The following ZMYM2 variants were observed in gnomAD, a reference collection of about 807,000 sequenced individuals.
ZMYM2 encodes the protein zinc finger MYM-type protein 2.
A neutral mutation model predicts 162.8 loss-of-function variants in ZMYM2; 56 were observed. That is an observed-to-expected ratio of 0.34 (90% confidence interval 0.28 to 0.43). The LOEUF is 0.43. Among genes scored for constraint, ZMYM2 ranks in the 20% least tolerant of loss-of-function variants. ZMYM2 has a pLI of 1.00. For missense variants in ZMYM2, 1,275 were observed against 1,621.8 expected (o/e 0.79, Z 3.67); for synonymous variants, 510 against 541.6 (o/e 0.94, Z 0.81).
chr13:20,001,461 T>G (rs1003124939), intron 3 of ZMYM2, among the ~76,000 whole-genome samples: 2 of 151,952 alleles, frequency 1.3e-5, no homozygotes, highest in Admixed American at 1.3e-4. Flanking sequence ...TGATAAAACT[T>G]GCACAGATGA....
At chr13:20,001,450 G>A (rs1566264059) in intron 3 of ZMYM2, among the ~76,000 whole-genome samples, 1 of 151,728 alleles carries the variant, frequency 6.6e-6, no homozygotes, top group Admixed American at 6.6e-5. Flanking sequence ...CTGCAATCTC[G>A]TGATAAAACT....
At chr13:20,013,380 A>G (rs1951354784) in intron 6 of ZMYM2, among the ~76,000 whole-genome samples, 1 of 152,110 alleles carries the variant, frequency 6.6e-6, no homozygotes, top group African/African-American at 2.4e-5. Flanking sequence ...TATGAGTTTC[A>G]TGTCATCTGT....
intron 18 of ZMYM2, among the ~76,000 whole-genome samples, chr13:20,063,821 A>G (rs922807683): frequency 1.4e-5 from 2 of 146,618 alleles, no homozygotes; most frequent in Non-Finnish European, 3.0e-5. Context: ...TATATAATAC[A>G]TAAATATAAT....
Position 20,050,229 on chromosome 13 carries a change from A to G in ZMYM2, c.2293-1204A>G, listed in dbSNP as rs532747503. Among the ~76,000 whole-genome samples, 13 of 148,944 alleles carry G rather than the reference A, an allele frequency of 8.7e-5. No individual in the cohort carries two copies. The South Asian group carries it at 1.9e-3, about 22-fold the overall frequency. On this transcript the variant is annotated intron_variant, in intron 12 of 24. Coordinates refer to ENST00000610343, the MANE Select transcript of ZMYM2 (RefSeq NM_197968.4). ...AGCAGGAGAAATACCTGACCTGGAGAAAAAAAAAAGCCTGTGTTCTAACCT... is the reference window on the plus strand; with the variant it reads ...AGCAGGAGAAATACCTGACCTGGAGGAAAAAAAAAGCCTGTGTTCTAACCT...
intron 3 of ZMYM2, among the ~76,000 whole-genome samples, chr13:20,000,628 A>G (rs771366248): frequency 1.2e-4 from 18 of 152,250 alleles, no homozygotes; most frequent in Non-Finnish European, 2.1e-4. Flanking sequence ...TGAATAGTTT[A>G]AACTAGTGTT....
the ZMYM2 span, among the ~76,000 whole-genome samples, chr13:19,933,080 T>G: frequency 1.3e-5 from 2 of 152,152 alleles, no homozygotes; most frequent in Non-Finnish European, 2.9e-5. Flanking sequence ...TCCCAAATAA[T>G]TGAGACTACA....
chr13:20,088,176 C>T lies in ZMYM2; in HGVS notation c.*2162C>T, dbSNP rs1958377441. 1 of 205,994 alleles carries T rather than the reference C, an allele frequency of 4.9e-6. No homozygotes were observed. The highest frequency in any genetic ancestry group is 9.9e-6 in the Non-Finnish European group (1 of 100,690). 12.8% of individuals were successfully genotyped at this position (205,994 alleles called of 1,614,324 possible). Reference sequence around the variant, plus strand: ...GAGGATTTAGAGCTCTTGTCTTTGTCTTGATTGCAATCCAACGATAGATTA... The same window carrying T: ...GAGGATTTAGAGCTCTTGTCTTTGTTTTGATTGCAATCCAACGATAGATTA... On this transcript the variant is annotated 3_prime_UTR_variant, in exon 25 of 25. Transcript: ENST00000610343.
the ZMYM2 span, among the ~76,000 whole-genome samples, chr13:19,946,172 C>T: frequency 6.6e-6 from 1 of 152,262 alleles, no homozygotes; most frequent in African/African-American, 2.4e-5. Flanking sequence ...TGCTACCCTA[C>T]GACAATTCCC....
the ZMYM2 span, among the ~76,000 whole-genome samples, chr13:19,901,466 G>A: frequency 2.0e-5 from 3 of 152,188 alleles, no homozygotes; most frequent in East Asian, 1.9e-4. Context: ...AAGCACTGAT[G>A]TGTGTATATG....
rs375497470 is a variant in ZMYM2, at chr13:19,987,821, G to A, written c.-10-5242G>A. 4.0e-5 allele frequency among the ~76,000 whole-genome samples: 6 copies of A among 151,380 alleles called. No individual in the cohort carries two copies. In the South Asian group the frequency reaches 1.3e-3, roughly 32 times the overall value. ...AGTAGAGACAGGGTTTCACCATGTT[G>A]TCCAGGCTGGGCTTGAACTCCAGAG... On this transcript the variant is annotated intron_variant, in intron 2 of 24. Transcript: ENST00000610343.
chr13:20,033,187 CAT>C (rs1405867429), intron 10 of ZMYM2, among the ~76,000 whole-genome samples: 1 of 151,910 alleles, frequency 6.6e-6, no homozygotes, highest in Admixed American at 6.6e-5. Flanking sequence ...ATAATAGTGT[CAT>C]ATAGAAAATG....
chr13:19,992,968 A>T, intron 2 of ZMYM2, 95 bp from the exon 3 acceptor site: 1 of 1,343,250 alleles, frequency 7.4e-7, no homozygotes, highest in Non-Finnish European at 9.9e-7. Context: ...TAGAATAAAA[A>T]TAAAATAAAA....
chr13:20,053,037 T>C (rs537284470), intron 14 of ZMYM2, among the ~76,000 whole-genome samples: 12 of 152,324 alleles, frequency 7.9e-5, no homozygotes, highest in African/African-American at 2.9e-4. Flanking sequence ...TCTACACTTT[T>C]GTTAGCATTT....
chr13:20,060,900 T>C (rs1050844717), intron 16 of ZMYM2, among the ~76,000 whole-genome samples, 153 bp from the exon 17 acceptor site: 14 of 152,234 alleles, frequency 9.2e-5, no homozygotes, highest in Non-Finnish European at 1.8e-4. Flanking sequence ...GGCTTTCTTA[T>C]CACAGTTAAC....
the ZMYM2 span, among the ~76,000 whole-genome samples, chr13:19,931,149 AT>A: frequency 5.7e-3 from 821 of 143,292 alleles, 16 homozygotes; most frequent in Middle Eastern, 0.014. Context: ...AAAAAAAAAA[AT>A]AATAATAATA....
At chr13:19,961,033 T>C (rs1955151210) in intron 2 of ZMYM2, among the ~76,000 whole-genome samples, 1 of 152,138 alleles carries the variant, frequency 6.6e-6, no homozygotes, top group Admixed American at 6.5e-5. Context: ...CAGGACACTT[T>C]CCTTTAATCT....
chr13:20,058,905 A>G (rs746072155), intron 15 of ZMYM2: 1 of 756,648 alleles, frequency 1.3e-6, no homozygotes, highest in South Asian at 1.4e-5. Context: ...ATCTCTGATA[A>G]AGGCCTAGAA....
intron 21 of ZMYM2, among the ~76,000 whole-genome samples, chr13:20,069,408 C>A (rs557536007): frequency 7.7e-6 from 1 of 129,680 alleles, no homozygotes. Flanking sequence ...AAGTACGATG[C>A]ACCCTTTAGG....
chr13:20,049,929 G>A (rs1419655655), intron 12 of ZMYM2, among the ~76,000 whole-genome samples: 1 of 151,808 alleles, frequency 6.6e-6, no homozygotes, highest in Non-Finnish European at 1.5e-5. Context: ...TTATAAAAAG[G>A]GAAAAAGAAA....
Sources: gnomAD v4.1 joint callset for allele counts (sites outside exome capture counted in the v4.1 genomes callset) on GRCh38, gnomAD v4.1.1 for gene constraint, MANE v1.5 for transcripts, NCBI Gene and HGNC (gene_info 2026-07-23, HGNC 2026-07-21) for gene names.